ADAM7: variants seen among roughly 807,000 people sequenced by gnomAD.
ADAM7 encodes the protein ADAM metallopeptidase domain 7.
ADAM7 carries 97 observed loss-of-function variants against 102.9 expected under a neutral mutation model. The ratio of observed to expected loss-of-function variants is 0.94; its 90% CI spans 0.80 to 1.12. The LOEUF (loss-of-function observed/expected upper bound fraction) is 1.12. Ranked by LOEUF, ADAM7 falls within the 50% of genes most tolerant of loss-of-function variation. ADAM7 has a pLI of 0.00. For missense variants in ADAM7, 991 were observed against 908.7 expected, an observed-to-expected ratio of 1.09 and a Z score of -1.16; for synonymous variants, 334 against 304.4, an observed-to-expected ratio of 1.10 and a Z score of -1.01.
rs1585915284 is a variant in ADAM7 at position 24,492,534 on chromosome 8, C to T, written c.1592C>T (p.Thr531Ile). ...CATGATATCTGCTACAAGATGAATA[C>T]AAAAGGAAATAAATTTGGATACTGC... ...ESHDICYKMN[T>I]KGNKFGYCKN... is the part of the protein sequence containing the mutation. The change falls in exon 15 of 22, where the codon ACA becomes ATA. Residue 531 changes from threonine (T) to isoleucine (I), a missense_variant. Coordinates refer to ENST00000175238, the MANE Select transcript of ADAM7 (RefSeq NM_003817.4). 2.5e-6 allele frequency: 4 copies of T among 1,612,346 alleles called. No individual in the cohort carries two copies. The highest frequency in any genetic ancestry group is 3.4e-6 in the Non-Finnish European group (4 of 1,179,044).
rs527398521 is a variant in ADAM7 at position 24,509,353 on chromosome 8, T to C, written c.*807T>C. ...TCTCTGCCCTCTCCCTATCCGTTTG[T>C]TATGGGATGGGGGATTACCCTGGGA... On this transcript the variant is annotated 3_prime_UTR_variant, in exon 22 of 22. Transcript: ENST00000175238. 138 of 985,356 alleles carry C rather than the reference T, an allele frequency of 1.4e-4. No homozygotes were observed. In the African/African-American group the frequency reaches 2.1e-3, roughly 15 times the overall value. 61.0% of individuals were successfully genotyped at this position (985,356 alleles called of 1,614,324 possible). A position where few individuals can be genotyped will look rare whatever the true frequency, so the allele number is the denominator to read the frequency against.
rs182657637 is a variant in ADAM7, at chr8:24,497,838, A to C, written c.1843-1398A>C. On this transcript the variant is annotated intron_variant, in intron 16 of 21. Transcript: ENST00000175238. Reference sequence around the variant, plus strand: ...AAAAGGTCATTAATTTGCTACAGAAAGAAATATCAGGTTACCATAATACTT... The same window carrying C: ...AAAAGGTCATTAATTTGCTACAGAACGAAATATCAGGTTACCATAATACTT... 5.3e-5 allele frequency among the ~76,000 whole-genome samples: 8 copies of C among 152,244 alleles called. No homozygotes were observed. The East Asian group carries it at 1.5e-3, about 29-fold the overall frequency.
At chr8:24,444,531 T>C (rs989516735) in intron 2 of ADAM7, among the ~76,000 whole-genome samples, 2 of 151,806 alleles carry the variant, frequency 1.3e-5, no homozygotes, top group Non-Finnish European at 2.9e-5. Context: ...CTGTGGCTAG[T>C]AGGGTGTAAT....
chr8:24,501,434 C>T (rs748706673), intron 19 of ADAM7, 43 bp from the exon 20 acceptor site: 1 of 1,400,768 alleles, frequency 7.1e-7, no homozygotes, highest in Non-Finnish European at 1.0e-6. Flanking sequence ...ACCTGAATAG[C>T]CCTATATCTA....
chr8:24,475,887 C>G (rs1271941182), intron 7 of ADAM7: 3 of 455,878 alleles, frequency 6.6e-6, no homozygotes, highest in South Asian at 3.1e-5. Flanking sequence ...TCAGAGTAGA[C>G]TGGACATGAA....
Position 24,483,823 on chromosome 8 carries a change from A to G in ADAM7, c.876-1454A>G, listed in dbSNP as rs145897644. Among the ~76,000 whole-genome samples the G allele has an allele frequency of 5.3e-5, 8 of 152,330 alleles. No homozygotes were observed. The East Asian group carries it at 1.5e-3, about 29-fold the overall frequency. On this transcript the variant is annotated intron_variant, in intron 9 of 21. Transcript: ENST00000175238. ...ATACTTAATAAATAAAACCAAAAGT[A>G]TTTGAATGGGTGTAAGTAGAAAACT...
chr8:24,490,931 A>G, intron 13 of ADAM7, 43 bp downstream of exon 13: 1 of 1,594,314 alleles, frequency 6.3e-7, no homozygotes, highest in Non-Finnish European at 8.6e-7. Context: ...TTTCAGTTTA[A>G]GAATATGTAG....
At chr8:24,477,845 T>C (rs1819818951) in intron 8 of ADAM7, among the ~76,000 whole-genome samples, 1 of 152,042 alleles carries the variant, frequency 6.6e-6, no homozygotes, top group Non-Finnish European at 1.5e-5. Context: ...TAATTTTTGT[T>C]GGGCCAACAA....
At position 24,465,794 on chromosome 8, in the gene ADAM7, C is replaced by T; in HGVS notation, c.389+19C>T. The T allele has an allele frequency of 6.4e-7, 1 of 1,553,586 alleles. No individual in the cohort carries two copies. Among genetic ancestry groups the T allele is most frequent in the Non-Finnish European group, 8.7e-7 (1 of 1,145,400 alleles). On this transcript the variant is annotated intron_variant, in intron 5 of 21. Coordinates refer to ENST00000175238, the MANE Select transcript of ADAM7 (RefSeq NM_003817.4). The stretch of plus-strand genomic sequence containing the variant: ...GTCTAAGGTAATGCAGAATATCTTT[C>T]TTTTTCCTTTATGAGTTTTCCTATG...
At chr8:24,501,124 C>G (rs375724545) in intron 19 of ADAM7, among the ~76,000 whole-genome samples, 8 of 152,122 alleles carry the variant, frequency 5.3e-5, no homozygotes, top group African/African-American at 1.9e-4. Context: ...TCAAAAAATA[C>G]TGATGTGGGT....
chr8:24,450,970 T>A (rs1038829567), intron 3 of ADAM7, among the ~76,000 whole-genome samples: 2 of 152,300 alleles, frequency 1.3e-5, no homozygotes, highest in African/African-American at 4.8e-5. Flanking sequence ...TTGCGTATAT[T>A]GAACCAGCCT....
chr8:24,487,647 G>GA (rs1054240692), intron 11 of ADAM7, among the ~76,000 whole-genome samples: 66 of 146,712 alleles, frequency 4.5e-4, no homozygotes, highest in Middle Eastern at 3.5e-3. Flanking sequence ...AAAAAAAAAA[G>GA]AAAAAAAAAG....
At chr8:24,476,092 TGTTTC>T in intron 7 of ADAM7, 1 of 390,504 alleles carries the variant, frequency 2.6e-6, no homozygotes, top group Non-Finnish European at 5.0e-6. Flanking sequence ...TTAATAGGTT[TGTTTC>T]ATCAATGTGA....
intron 5 of ADAM7, 35 bp from the exon 6 acceptor site, chr8:24,466,764 G>A: frequency 6.3e-7 from 1 of 1,578,562 alleles, no homozygotes. Flanking sequence ...GTAATTATAG[G>A]CCTTGAATAC....
chr8:24,467,167 T>A, intron 6 of ADAM7, 179 bp downstream of exon 6: 1 of 621,748 alleles, frequency 1.6e-6, no homozygotes, highest in South Asian at 2.1e-5. Context: ...GTTTATTTCA[T>A]AGAGTTTGTT....
At position 24,500,977 on chromosome 8, in the gene ADAM7, A is replaced by G. The variant is rs73548725; in HGVS notation, c.2108+82A>G. ...GCTTTGTGGTTATAGAGGATATTCA[A>G]TGGGGGGAAGTATAAGCTTCTTACT... On this transcript the variant is annotated intron_variant, in intron 19 of 21. Coordinates refer to ENST00000175238, the MANE Select transcript of ADAM7 (RefSeq NM_003817.4). The G allele has an allele frequency of 3.0e-3, 3,535 of 1,170,050 alleles. 68 individuals carry two copies. In the African/African-American group the frequency reaches 0.047, roughly 15 times the overall value. 72.5% of individuals were successfully genotyped at this position (1,170,050 alleles called of 1,614,324 possible).
At chr8:24,489,123 T>G in intron 11 of ADAM7, 36 bp from the exon 12 acceptor site, 1 of 1,566,948 alleles carries the variant, frequency 6.4e-7, no homozygotes, top group Non-Finnish European at 8.7e-7. Flanking sequence ...TGCATTGATA[T>G]GATTAATCTT....
chr8:24,447,937 AACACACACACACACACACAC>A (rs55836403), intron 3 of ADAM7, among the ~76,000 whole-genome samples: 10 of 140,588 alleles, frequency 7.1e-5, no homozygotes, highest in Non-Finnish European at 1.4e-4. Context: ...TAAATAACAA[AACACACACACACACACACAC>A]ACACACACAC....
intron 3 of ADAM7, among the ~76,000 whole-genome samples, chr8:24,447,900 T>A (rs2129373430): frequency 1.3e-5 from 2 of 149,874 alleles, no homozygotes; most frequent in East Asian, 4.0e-4. Flanking sequence ...TACTGGGGAA[T>A]TGAGACTTTG....
Sources: allele counts gnomAD v4.1 joint callset (sites outside exome capture counted in the v4.1 genomes callset), GRCh38; gene constraint gnomAD v4.1.1; transcripts MANE v1.5; gene names NCBI Gene and HGNC (gene_info 2026-07-23, HGNC 2026-07-21).